The following FNIP1 variants were observed in gnomAD, a reference collection of about 807,000 sequenced individuals.
The protein encoded by FNIP1 is folliculin-interacting protein 1.
A neutral mutation model predicts 124.5 loss-of-function variants in FNIP1; 40 were observed. The ratio of observed to expected loss-of-function variants is 0.32; its 90% CI spans 0.25 to 0.42. The LOEUF is 0.42. FNIP1 is among the 10% of genes least tolerant of loss of function. The pLI is 1.00. For missense variants in FNIP1, 1,176 were observed against 1,403.7 expected (o/e 0.84, Z 2.59); for synonymous variants, 472 against 470.6 (o/e 1.00, Z -0.04).
intron 8 of FNIP1, among the ~76,000 whole-genome samples, chr5:131,707,570 C>T (rs1769156464): frequency 6.6e-6 from 1 of 152,114 alleles, no homozygotes; most frequent in African/African-American, 2.4e-5. Context: ...CATCAATGAA[C>T]TCATTCTAAA....
chr5:131,653,239 G>GA (rs112307631), intron 15 of FNIP1, among the ~76,000 whole-genome samples: 1,594 of 146,652 alleles, frequency 0.011, 8 homozygotes, highest in African/African-American at 0.025. Context: ...ATTGTTAAGT[G>GA]AAAAAAAAAA....
chr5:131,706,427 C>T lies in FNIP1; in HGVS notation c.898G>A (p.Gly300Arg). The T allele has an allele frequency of 6.2e-7, 1 of 1,611,546 alleles. No homozygotes were observed. ...CCAACTTACCATCTAGGAAATACCCCATTTTCCAAACTTGTTGTTTGGCTG... is the reference window on the plus strand; with the variant it reads ...CCAACTTACCATCTAGGAAATACCCTATTTTCCAAACTTGTTGTTTGGCTG... ...RRSQTTSLENGVFPRWSIEES... is the reference protein window; with the variant it reads ...RRSQTTSLENRVFPRWSIEES... Residue 300 changes from glycine to arginine, a missense_variant, in exon 9 of 18, where the codon GGG (glycine) becomes AGG (arginine). Physicochemically the swap from Gly to Arg is moderately radical, Grantham distance 125. Transcript: ENST00000510461.
chr5:131,757,650 A>C (rs975812467), intron 1 of FNIP1, among the ~76,000 whole-genome samples: 4 of 151,458 alleles, frequency 2.6e-5, no homozygotes, highest in Non-Finnish European at 2.9e-5. Flanking sequence ...AAAAAAAAAA[A>C]GGTGGACAAA....
chr5:131,736,869 C>A (rs78349173), intron 2 of FNIP1, among the ~76,000 whole-genome samples: 1 of 152,068 alleles, frequency 6.6e-6, no homozygotes. Context: ...TACACATTGA[C>A]GTATTCAAAG....
Position 131,651,820 on chromosome 5 carries a change from A to G in FNIP1, c.3288T>C (p.His1096=). The change falls in exon 16 of 18, where the codon CAT becomes CAC. Residue 1096 remains histidine (H), a synonymous_variant. Coordinates refer to ENST00000510461, the MANE Select transcript of FNIP1 (RefSeq NM_133372.3). ...TACTTACAAAATTTGGAGACAAGTT[A>G]TGCTTATAAAGCTGAAGTGTGGAAT... is the stretch of plus-strand genomic sequence containing the variant. ...LLHSTLQLYK[H]NLSPNFCVMH... is the part of the protein sequence containing the mutation. 4 of 1,614,162 alleles carry G rather than the reference A, an allele frequency of 2.5e-6. No individual in the cohort carries two copies. The highest frequency in any genetic ancestry group is 3.4e-6 in the Non-Finnish European group (4 of 1,180,014).
chr5:131,696,818 T>C (rs1768710293), intron 11 of FNIP1, among the ~76,000 whole-genome samples: 1 of 152,164 alleles, frequency 6.6e-6, no homozygotes, highest in South Asian at 2.1e-4. Context: ...CTGAGTGTAC[T>C]GTACAGAACA....
chr5:131,707,957 G>T (rs922122337), intron 8 of FNIP1, among the ~76,000 whole-genome samples: 1 of 151,824 alleles, frequency 6.6e-6, no homozygotes, highest in South Asian at 2.1e-4. Flanking sequence ...AGATTACATC[G>T]AAGCAAAGTT....
chr5:131,718,637 T>G (rs1159593351), intron 5 of FNIP1, among the ~76,000 whole-genome samples: 1 of 152,198 alleles, frequency 6.6e-6, no homozygotes, highest in African/African-American at 2.4e-5. Context: ...TTAGGGTTAA[T>G]TTCGTAGGGG....
At chr5:131,789,823 A>C (rs1772336844) in intron 1 of FNIP1, among the ~76,000 whole-genome samples, 1 of 152,220 alleles carries the variant, frequency 6.6e-6, no homozygotes, top group South Asian at 2.1e-4. Context: ...TGTGTATTTT[A>C]ACACATCCTC....
intron 1 of FNIP1, among the ~76,000 whole-genome samples, chr5:131,784,106 C>T (rs1772085056): frequency 1.3e-5 from 2 of 152,010 alleles, no homozygotes; most frequent in South Asian, 4.2e-4. Flanking sequence ...CCTACAGGGC[C>T]AGCAGTCCAG....
chr5:131,796,982 G>T lies in FNIP1; in HGVS notation c.-61C>A, dbSNP rs1772634072. Reference sequence around the variant, plus strand: ...CGCTTGCTAGGCCCCTGCTCCTACAGCCGCCCCGCCACCCCCATGGGCGCC... The same window carrying T: ...CGCTTGCTAGGCCCCTGCTCCTACATCCGCCCCGCCACCCCCATGGGCGCC... On this transcript the variant is annotated 5_prime_UTR_variant, in exon 1 of 18. It adds an upstream start codon to the 5' untranslated region. Coordinates refer to ENST00000510461, the MANE Select transcript of FNIP1 (RefSeq NM_133372.3). 6.9e-7 allele frequency: 1 copy of T among 1,443,360 alleles called. No homozygotes were observed. Among genetic ancestry groups the T allele is most frequent in the Non-Finnish European group, 9.4e-7 (1 of 1,058,792 alleles). The allele number at this position is 1,443,360 out of a possible 1,614,324, so 89.4% of individuals were successfully genotyped here.
chr5:131,781,823 C>T (rs1205329337), intron 1 of FNIP1, among the ~76,000 whole-genome samples: 1 of 151,718 alleles, frequency 6.6e-6, no homozygotes, highest in African/African-American at 2.4e-5. Flanking sequence ...TCAAGTCTTA[C>T]TAATTAAGAA....
At chr5:131,769,632 C>T (rs1771559170) in intron 1 of FNIP1, among the ~76,000 whole-genome samples, 1 of 152,174 alleles carries the variant, frequency 6.6e-6, no homozygotes, top group Admixed American at 6.5e-5. Context: ...TGCTGCAATG[C>T]AAAAAGGCTT....
intron 14 of FNIP1, 42 bp from the exon 15 acceptor site, chr5:131,670,673 A>C: frequency 1.4e-6 from 2 of 1,437,818 alleles, no homozygotes; most frequent in Non-Finnish European, 9.3e-7. Context: ...TTTAGTAATA[A>C]ATATATTTAA....
At chr5:131,685,924 T>C (rs1481053484) in intron 11 of FNIP1, among the ~76,000 whole-genome samples, 2 of 152,208 alleles carry the variant, frequency 1.3e-5, no homozygotes, top group African/African-American at 4.8e-5. Context: ...GAAACCACTC[T>C]AGTTGTGTGT....
At chr5:131,675,717 G>A (rs1767889909) in intron 13 of FNIP1, among the ~76,000 whole-genome samples, 1 of 152,140 alleles carries the variant, frequency 6.6e-6, no homozygotes, top group African/African-American at 2.4e-5. Flanking sequence ...AAGAGGAACA[G>A]AGAAGTTGGG....
At chr5:131,673,512 A>G (rs1767827383) in intron 13 of FNIP1, among the ~76,000 whole-genome samples, 1 of 152,194 alleles carries the variant, frequency 6.6e-6, no homozygotes, top group East Asian at 1.9e-4. Context: ...CAGTTCTGAA[A>G]CTCACATATC....
At chr5:131,678,654 C>A (rs1767981081) in intron 12 of FNIP1, among the ~76,000 whole-genome samples, 1 of 152,274 alleles carries the variant, frequency 6.6e-6, no homozygotes, top group East Asian at 1.9e-4. Flanking sequence ...TCGTGATCCA[C>A]CCACCTCAGC....
intron 3 of FNIP1, among the ~76,000 whole-genome samples, chr5:131,725,362 CCT>C (rs1769825132): frequency 6.6e-6 from 1 of 152,120 alleles, no homozygotes; most frequent in African/African-American, 2.4e-5. Flanking sequence ...TTGTTTGTAT[CCT>C]CTCTTTTTCC....
Sources: allele counts gnomAD v4.1 joint callset (sites outside exome capture counted in the v4.1 genomes callset), GRCh38; gene constraint gnomAD v4.1.1; transcripts MANE v1.5; gene names NCBI Gene and HGNC (gene_info 2026-07-23, HGNC 2026-07-21).